SLC38A11: variants seen among roughly 807,000 people sequenced by gnomAD.
SLC38A11 encodes the protein solute carrier family 38 member 11, also known as putative sodium-coupled neutral amino acid transporter 11.
SLC38A11 carries 51 observed loss-of-function variants against 49.4 expected under a neutral mutation model. That is an observed-to-expected ratio of 1.03 (90% confidence interval 0.83 to 1.30). The LOEUF (loss-of-function observed/expected upper bound fraction) is 1.30. Among genes scored for constraint, SLC38A11 ranks in the 50% most tolerant of loss-of-function variants. The probability of loss-of-function intolerance (pLI) is 0.00; values close to 1 mark genes in which losing one functional copy is unlikely to be tolerated. For synonymous variants in SLC38A11, 203 were observed against 192.9 expected (o/e 1.05, Z -0.43); for missense variants, 574 against 556.2 (o/e 1.03, Z -0.32).
intron 10 of SLC38A11, 62 bp from the exon 11 acceptor site, chr2:164,908,833 A>T: frequency 6.6e-7 from 1 of 1,516,752 alleles, no homozygotes; most frequent in Non-Finnish European, 8.9e-7. Context: ...TTATTGAGGG[A>T]GTATTTTACA....
intron 7 of SLC38A11, among the ~76,000 whole-genome samples, chr2:164,921,105 A>G (rs1686169279): frequency 1.3e-5 from 2 of 152,140 alleles, no homozygotes; most frequent in Non-Finnish European, 1.5e-5. Context: ...AAGAGGAAAG[A>G]TAGCTTGAGA....
At chr2:164,951,306 A>T (rs1688508780) in intron 3 of SLC38A11, among the ~76,000 whole-genome samples, 1 of 152,206 alleles carries the variant, frequency 6.6e-6, no homozygotes, top group African/African-American at 2.4e-5. Flanking sequence ...ATTATTTGTC[A>T]GTGCTGATGG....
intron 7 of SLC38A11, among the ~76,000 whole-genome samples, chr2:164,931,368 A>G (rs969666180): frequency 8.5e-5 from 13 of 152,146 alleles, no homozygotes; most frequent in Admixed American, 5.9e-4. Context: ...TACAGATTCA[A>G]TGTCATTCCT....
intron 5 of SLC38A11, 53 bp from the exon 6 acceptor site, chr2:164,939,609 G>T: frequency 8.4e-7 from 1 of 1,185,012 alleles, no homozygotes; most frequent in Non-Finnish European, 1.2e-6. Flanking sequence ...ACACATTGGT[G>T]ACACACTAAA....
intron 2 of SLC38A11, among the ~76,000 whole-genome samples, chr2:164,953,885 A>G (rs1688681392): frequency 6.6e-6 from 1 of 152,156 alleles, no homozygotes; most frequent in Non-Finnish European, 1.5e-5. Flanking sequence ...TCAGATACCA[A>G]AAAGAATAAT....
At chr2:164,954,883 G>T (rs2105526654) in intron 1 of SLC38A11, 138 bp from the exon 2 acceptor site, 1 of 562,444 alleles carries the variant, frequency 1.8e-6, no homozygotes, top group Non-Finnish European at 3.2e-6. Context: ...TAAATGCCGG[G>T]ATAACAGTAA....
intron 1 of SLC38A11, 90 bp downstream of exon 1, chr2:164,955,119 C>T (rs969742282): frequency 1.0e-5 from 13 of 1,259,042 alleles, no homozygotes; most frequent in Non-Finnish European, 1.4e-5. Context: ...AAACCAAGAG[C>T]CCAGGTGAAG....
At chr2:164,950,259 G>C (rs1688432278) in intron 3 of SLC38A11, 1 of 152,148 alleles carries the variant, frequency 6.6e-6, no homozygotes, top group African/African-American at 2.4e-5. Context: ...GATTCTCATT[G>C]ATTCTCATAT....
chr2:164,900,185 G>A (rs926683594), intron 11 of SLC38A11, among the ~76,000 whole-genome samples: 12 of 151,968 alleles, frequency 7.9e-5, no homozygotes, highest in African/African-American at 2.9e-4. Context: ...GACATTCTCT[G>A]TATCCATTCA....
At chr2:164,919,260 G>A (rs908711008) in intron 7 of SLC38A11, among the ~76,000 whole-genome samples, 2 of 152,020 alleles carry the variant, frequency 1.3e-5, no homozygotes, top group African/African-American at 4.8e-5. Context: ...AGCTTGGAAG[G>A]TTGAGGCTGC....
At chr2:164,910,039 C>A (rs968279745) in intron 10 of SLC38A11, among the ~76,000 whole-genome samples, 1 of 151,952 alleles carries the variant, frequency 6.6e-6, no homozygotes, top group Non-Finnish European at 1.5e-5. Flanking sequence ...GGGTAGACAG[C>A]CTTTTTAGTG....
chr2:164,947,893 AC>A (rs911980679), intron 3 of SLC38A11, among the ~76,000 whole-genome samples: 3 of 152,130 alleles, frequency 2.0e-5, no homozygotes, highest in Non-Finnish European at 4.4e-5. Context: ...TACTGCAATA[AC>A]CCCCTAATAG....
intron 10 of SLC38A11, among the ~76,000 whole-genome samples, chr2:164,911,111 AC>A (rs747725393): frequency 8.6e-5 from 13 of 152,028 alleles, no homozygotes; most frequent in Non-Finnish European, 1.9e-4. Context: ...TATCTGTAAA[AC>A]TAAAAGTTTC....
intron 7 of SLC38A11, among the ~76,000 whole-genome samples, chr2:164,924,692 A>G (rs1686442938): frequency 1.3e-5 from 2 of 152,018 alleles, no homozygotes. Flanking sequence ...ATAAAACTTT[A>G]TGGTAATTTT....
In SLC38A11 at chr2:164,949,329, A is replaced by G. The variant is rs190945740; in HGVS notation, c.229+3378T>C. On this transcript the variant is annotated intron_variant, in intron 3 of 11. Transcript: ENST00000685975. ...AGTGGTGAAATCTCAGCTCACTGCA[A>G]CCTCTGCCTCCTGGGTTCAAGCGAT... Among the ~76,000 whole-genome samples, 275 of 152,018 alleles carry G rather than the reference A, an allele frequency of 1.8e-3. 2 individuals are homozygous for G. The highest frequency in any genetic ancestry group is 6.0e-3 in the South Asian group (29 of 4,804).
chr2:164,909,618 A>C (rs532653795), intron 10 of SLC38A11, among the ~76,000 whole-genome samples: 1 of 151,588 alleles, frequency 6.6e-6, no homozygotes, highest in Non-Finnish European at 1.5e-5. Context: ...GGCTTGAAAC[A>C]TGCACAGGAT....
intron 7 of SLC38A11, among the ~76,000 whole-genome samples, chr2:164,927,307 G>A (rs190471109): frequency 1.3e-3 from 194 of 152,224 alleles, no homozygotes; most frequent in Non-Finnish European, 2.3e-3. Context: ...ACAAATTTCT[G>A]TTCTTTATAA....
In SLC38A11 at chr2:164,955,309, C is replaced by G. The variant is rs1266380044; in HGVS notation, c.-62G>C. 2 of 1,464,736 alleles carry G rather than the reference C, an allele frequency of 1.4e-6. No individual in the cohort carries two copies. Among genetic ancestry groups the G allele is most frequent in the Non-Finnish European group, 9.4e-7 (1 of 1,069,170 alleles). The allele number at this position is 1,464,736 out of a possible 1,614,324, so 90.7% of individuals were successfully genotyped here. On this transcript the variant is annotated 5_prime_UTR_variant, in exon 1 of 12. Coordinates refer to ENST00000685975, the MANE Select transcript of SLC38A11 (RefSeq NM_001351537.2). Reference sequence around the variant, plus strand: ...GGGCTGGGTACGGATTCGCACCCGGCCAGCCTCCTCCGCCACCTCGCACAC... The same window carrying G: ...GGGCTGGGTACGGATTCGCACCCGGGCAGCCTCCTCCGCCACCTCGCACAC...
Position 164,898,412 on chromosome 2 carries a change from C to T in SLC38A11, c.*25G>A, listed in dbSNP as rs1684439542. 1 of 1,506,864 alleles carries T rather than the reference C, an allele frequency of 6.6e-7. No homozygotes were observed. The allele number at this position is 1,506,864 out of a possible 1,614,324, so 93.3% of individuals were successfully genotyped here. A position where few individuals can be genotyped will look rare whatever the true frequency, so the allele number is the denominator to read the frequency against. ...TTATGTGTTTTAAAGTCTATGAAAA[C>T]ATACATATTTTTAAAGCAGTCAACT... On this transcript the variant is annotated 3_prime_UTR_variant, in exon 12 of 12. Coordinates refer to ENST00000685975, the MANE Select transcript of SLC38A11 (RefSeq NM_001351537.2).
Sources: allele counts gnomAD v4.1 joint callset (sites outside exome capture counted in the v4.1 genomes callset), GRCh38; gene constraint gnomAD v4.1.1; transcripts MANE v1.5; gene names NCBI Gene and HGNC (gene_info 2026-07-23, HGNC 2026-07-21).